Variants in GRK3 observed in about 807,000 individuals in gnomAD.
GRK3 encodes G protein-coupled receptor kinase 3, also known as adrenergic, beta, receptor kinase 2.
GRK3 carries 54 observed loss-of-function variants against 95.7 expected under a neutral mutation model. That is an observed-to-expected ratio of 0.56 (90% CI 0.45 to 0.71). The LOEUF is 0.71. Among genes scored for constraint, GRK3 ranks in the 30% least tolerant of loss-of-function variants. The pLI is 0.00. For missense variants in GRK3, 649 were observed against 851.2 expected (o/e 0.76, Z 2.96); for synonymous variants, 281 against 290.8 (o/e 0.97, Z 0.34).
chr22:25,682,681 T>C (rs1335736227), intron 9 of GRK3, among the ~76,000 whole-genome samples: 2 of 152,186 alleles, frequency 1.3e-5, no homozygotes, highest in East Asian at 3.8e-4. Context: ...AGAATCTAAG[T>C]GGATTTCATA....
chr22:25,663,245 G>C (rs1331951139), intron 4 of GRK3, among the ~76,000 whole-genome samples: 1 of 151,982 alleles, frequency 6.6e-6, no homozygotes, highest in Non-Finnish European at 1.5e-5. Flanking sequence ...GGCTGATCGC[G>C]AACTTCTGGG....
At chr22:25,648,292 T>C in intron 3 of GRK3, 1 of 932,118 alleles carries the variant, frequency 1.1e-6, no homozygotes, top group Non-Finnish European at 1.8e-6. Context: ...AGAGAACAAC[T>C]TGATACTCTG....
intron 1 of GRK3, among the ~76,000 whole-genome samples, chr22:25,600,771 A>G (rs572853349): frequency 4.8e-4 from 73 of 152,316 alleles, no homozygotes; most frequent in Admixed American, 4.2e-3. Context: ...TGTAAACTGG[A>G]AACTTATTTT....
rs931101536 is a variant in GRK3 at position 25,597,135 on chromosome 22, T to C, written c.114-7242T>C. Among the ~76,000 whole-genome samples, 13 of 152,298 alleles carry C rather than the reference T, an allele frequency of 8.5e-5. No individual in the cohort carries two copies. In the South Asian group the frequency reaches 2.5e-3, roughly 29 times the overall value. On this transcript the variant is annotated intron_variant, in intron 1 of 20. Transcript: ENST00000324198. Reference sequence around the variant, plus strand: ...TTTAGTTTTGGATTTATAATTAGGGTCTCATGCTCTGTGTCTGAAAGTTGT... The same window carrying C: ...TTTAGTTTTGGATTTATAATTAGGGCCTCATGCTCTGTGTCTGAAAGTTGT...
chr22:25,711,895 G>C (rs934764488), intron 17 of GRK3, among the ~76,000 whole-genome samples: 2 of 152,192 alleles, frequency 1.3e-5, no homozygotes, highest in African/African-American at 4.8e-5. Context: ...TCTCCAGAAG[G>C]CTGCAGCACT....
chr22:25,573,047 T>C (rs371957944), intron 1 of GRK3, among the ~76,000 whole-genome samples: 76 of 152,338 alleles, frequency 5.0e-4, no homozygotes, highest in South Asian at 3.7e-3. Context: ...TGGTCTCTTA[T>C]TATCCTTTTG....
rs368751532 is a variant in GRK3, at chr22:25,690,671, G to A, written c.1052+388G>A. On this transcript the variant is annotated intron_variant, in intron 12 of 20. Coordinates refer to ENST00000324198, the MANE Select transcript of GRK3 (RefSeq NM_005160.4). ...AAGAGACTGTGCCTAGAAAGGCACC[G>A]GGGCAGCTGCGTGGATGTGGTCAAG... 9.8e-5 allele frequency among the ~76,000 whole-genome samples: 15 copies of A among 152,300 alleles called. No homozygotes were observed. In the East Asian group the frequency reaches 1.3e-3, roughly 14 times the overall value.
At chr22:25,703,660 A>T in intron 14 of GRK3, 84 bp downstream of exon 14, 5 of 1,030,050 alleles carry the variant, frequency 4.9e-6, no homozygotes, top group African/African-American at 1.6e-5. Flanking sequence ...GCTATTACAT[A>T]AAATGTTATA....
At chr22:25,625,486 C>CGGA (rs1395566833) in intron 2 of GRK3, among the ~76,000 whole-genome samples, 1 of 152,140 alleles carries the variant, frequency 6.6e-6, no homozygotes, top group East Asian at 1.9e-4. Context: ...CGTTGCCAGG[C>CGGA]GGACCGTGGT....
chr22:25,698,625 G>C (rs1328473215), intron 13 of GRK3, among the ~76,000 whole-genome samples: 2 of 152,206 alleles, frequency 1.3e-5, no homozygotes, highest in African/African-American at 4.8e-5. Context: ...GTCAGCACTG[G>C]GAGGACCTCG....
chr22:25,566,755 T>G (rs16980486), intron 1 of GRK3, among the ~76,000 whole-genome samples: 3,654 of 152,290 alleles, frequency 0.024, 48 homozygotes, highest in East Asian at 0.037. Context: ...CCAAAAAAAC[T>G]GTACATTTCT....
chr22:25,692,695 A>G (rs779701305), intron 12 of GRK3, among the ~76,000 whole-genome samples: 14 of 152,192 alleles, frequency 9.2e-5, no homozygotes, highest in Non-Finnish European at 1.9e-4. Flanking sequence ...TCACTATCCA[A>G]TTTTTGTGGT....
intron 3 of GRK3, among the ~76,000 whole-genome samples, chr22:25,652,547 A>T: frequency 6.6e-6 from 1 of 152,218 alleles, no homozygotes; most frequent in East Asian, 1.9e-4. Context: ...GAGGTTAATG[A>T]AGTTAAAATA....
chr22:25,612,564 C>T (rs1173176370), intron 2 of GRK3, among the ~76,000 whole-genome samples: 1 of 151,588 alleles, frequency 6.6e-6, no homozygotes, highest in Non-Finnish European at 1.5e-5. Flanking sequence ...TGTATTGAAT[C>T]CTATCTGAAT....
intron 2 of GRK3, among the ~76,000 whole-genome samples, chr22:25,637,925 G>A (rs2084714657): frequency 6.6e-6 from 1 of 152,162 alleles, no homozygotes. Flanking sequence ...TGATCTTTTT[G>A]TTCTGTTCAG....
chr22:25,592,233 T>C (rs1932516223), intron 1 of GRK3, among the ~76,000 whole-genome samples: 1 of 152,254 alleles, frequency 6.6e-6, no homozygotes, highest in South Asian at 2.1e-4. Context: ...TCCTAATGAC[T>C]AATGATGTTG....
chr22:25,591,437 A>G (rs768152388), intron 1 of GRK3, among the ~76,000 whole-genome samples: 7 of 152,090 alleles, frequency 4.6e-5, no homozygotes, highest in Non-Finnish European at 1.0e-4. Context: ...ACAGAACTCA[A>G]TCCCCAGCCT....
At chr22:25,592,371 G>A (rs1932522374) in intron 1 of GRK3, among the ~76,000 whole-genome samples, 1 of 152,036 alleles carries the variant, frequency 6.6e-6, no homozygotes, top group South Asian at 2.1e-4. Context: ...TTTATGTTGG[G>A]TACAGATCTT....
intron 3 of GRK3, chr22:25,648,235 A>C: frequency 1.3e-6 from 1 of 779,648 alleles, no homozygotes; most frequent in South Asian, 1.3e-5. Flanking sequence ...AATGTGAAAC[A>C]CCACAAAATT....
Sources: gnomAD v4.1 joint callset for allele counts (sites outside exome capture counted in the v4.1 genomes callset) on GRCh38, gnomAD v4.1.1 for gene constraint, MANE v1.5 for transcripts, NCBI Gene and HGNC (gene_info 2026-07-23, HGNC 2026-07-21) for gene names.